Variants in TANGO2 observed in about 807,000 individuals in gnomAD.
TANGO2 encodes transport and golgi organization 2 homolog, also known as transport and Golgi organization protein 2 homolog.
Under a neutral mutation model 39.1 loss-of-function variants are expected in TANGO2, and 26 were observed. That is an observed-to-expected ratio of 0.67 (90% CI 0.49 to 0.92). TANGO2 has a LOEUF of 0.92. TANGO2 is among the 40% of genes least tolerant of loss of function. TANGO2 has a pLI of 0.00. For synonymous variants in TANGO2, 131 were observed against 144.5 expected (o/e 0.91, Z 0.67); for missense variants, 326 against 360.1 (o/e 0.91, Z 0.77).
rs695301 is a variant in TANGO2, at chr22:20,047,928, G to GT, written c.145+4498dup. 9.2e-3 allele frequency: 1,291 copies of GT among 140,778 alleles called. 16 individuals carry two copies. Among genetic ancestry groups the GT allele is most frequent in the East Asian group, 0.015 (72 of 4,858 alleles). 8.7% of individuals were successfully genotyped at this position (140,778 alleles called of 1,614,324 possible). ...TTCTCATGAGATCTGATAGTGTTTTGTTTTTTTTTTTTTGAGACTGAGTTT... is the reference window on the plus strand; with the variant it reads ...TTCTCATGAGATCTGATAGTGTTTTGTTTTTTTTTTTTTTGAGACTGAGTTT... On this transcript the variant is annotated intron_variant, in intron 3 of 8. Transcript: ENST00000327374.
chr22:20,043,214 G>C (rs549128387), intron 2 of TANGO2, 141 bp from the exon 3 acceptor site: 2 of 636,826 alleles, frequency 3.1e-6, no homozygotes, highest in South Asian at 3.6e-5. Flanking sequence ...CTCCAGTGTG[G>C]GTGCAGCAGG....
chr22:20,020,501 G>T (rs578200124), upstream of TANGO2, among the ~76,000 whole-genome samples: 2 of 149,828 alleles, frequency 1.3e-5, no homozygotes, highest in East Asian at 4.1e-4. Context: ...GAGCTCAAAG[G>T]CTACACTGGG....
At chr22:20,056,866 A>T (rs1037625542) in intron 6 of TANGO2, 1 of 456,288 alleles carries the variant, frequency 2.2e-6, no homozygotes, top group African/African-American at 2.0e-5. Context: ...GCATCGTGGA[A>T]CTCTGTGCCT....
Position 20,064,905 on chromosome 22 carries a change from C to T in TANGO2, c.*243C>T, listed in dbSNP as rs1433396766. The T allele has an allele frequency of 3.9e-6, 2 of 508,784 alleles. No individual in the cohort carries two copies. The highest frequency in any genetic ancestry group is 7.0e-6 in the Non-Finnish European group (2 of 283,998). The allele number at this position is 508,784 out of a possible 1,614,324, so 31.5% of individuals were successfully genotyped here. ...TAGGTCTAGGACCGGCCGAGGTATA[C>T]CATGAACATGTGGATACACCTGAGC... On this transcript the variant is annotated 3_prime_UTR_variant, in exon 9 of 9. Transcript: ENST00000327374.
chr22:20,061,502 T>A, intron 6 of TANGO2, 28 bp from the exon 7 acceptor site: 1 of 1,583,580 alleles, frequency 6.3e-7, no homozygotes, highest in Non-Finnish European at 8.6e-7. Flanking sequence ...GCAGGGCCTC[T>A]GCATGGCCCG....
intron 1 of TANGO2, among the ~76,000 whole-genome samples, chr22:20,031,437 T>A (rs745489797): frequency 2.0e-5 from 3 of 152,220 alleles, no homozygotes; most frequent in Non-Finnish European, 4.4e-5. Context: ...CCTGCTGCGC[T>A]GTGCTGGTGT....
At chr22:20,036,072 A>G (rs1831269593) in intron 1 of TANGO2, among the ~76,000 whole-genome samples, 1 of 152,152 alleles carries the variant, frequency 6.6e-6, no homozygotes, top group Admixed American at 6.5e-5. Flanking sequence ...CCTGCCTGCT[A>G]CTTAGGTCGT....
At chr22:20,037,016 C>T (rs775594313) in intron 2 of TANGO2, 162 bp downstream of exon 2, 21 of 1,577,436 alleles carry the variant, frequency 1.3e-5, no homozygotes, top group Non-Finnish European at 1.6e-5. Flanking sequence ...GTGTGGGATG[C>T]TGTCAGAATG....
intron 1 of TANGO2, among the ~76,000 whole-genome samples, chr22:20,031,333 A>C (rs1456492123): frequency 6.6e-6 from 1 of 152,184 alleles, no homozygotes; most frequent in Non-Finnish European, 1.5e-5. Context: ...CACCTGGGCG[A>C]CAGAGTGGAG....
rs923237135 is a variant in TANGO2 at position 20,057,729 on chromosome 22, G to A, written c.451+1716G>A. Among the ~76,000 whole-genome samples, 4 of 152,208 alleles carry A rather than the reference G, an allele frequency of 2.6e-5. No individual in the cohort carries two copies. Among genetic ancestry groups the A allele is most frequent in the East Asian group, 1.9e-4 (1 of 5,198 alleles). On this transcript the variant is annotated intron_variant, in intron 6 of 8. Transcript: ENST00000327374. The surrounding 1 kb of genome is among the most constrained non-coding windows in gnomAD (Gnocchi z 4.1). ...GGGTCGTGGGGTTGGAATGTGTGGC[G>A]AAGTAGGTCTGTGGCAGTGGAGTTG... is the stretch of plus-strand genomic sequence containing the variant.
intron 3 of TANGO2, among the ~76,000 whole-genome samples, chr22:20,045,499 CTTTT>C (rs695487): frequency 6.2e-5 from 7 of 112,494 alleles, no homozygotes; most frequent in South Asian, 2.9e-4. Flanking sequence ...GCCATCACTT[CTTTT>C]TTTTTTTTTT....
chr22:20,052,355 G>C (rs1424119629), intron 3 of TANGO2, 110 bp from the exon 4 acceptor site: 1 of 1,473,550 alleles, frequency 6.8e-7, no homozygotes, highest in African/African-American at 1.4e-5. Context: ...GAACGTCCTC[G>C]AGGAGCTTGA....
chr22:20,018,861 C>T (rs1945390672), upstream of TANGO2, among the ~76,000 whole-genome samples: 2 of 152,144 alleles, frequency 1.3e-5, no homozygotes, highest in African/African-American at 4.8e-5. Context: ...AGGCAAATCA[C>T]CAGAGGTCAG....
intron 1 of TANGO2, among the ~76,000 whole-genome samples, chr22:20,035,966 C>G (rs1345647465): frequency 6.6e-6 from 1 of 152,182 alleles, no homozygotes; most frequent in East Asian, 1.9e-4. Context: ...CTCCACTTTC[C>G]CCGCACTTAG....
At chr22:20,047,147 C>T (rs1012226263) in intron 3 of TANGO2, among the ~76,000 whole-genome samples, 9 of 152,052 alleles carry the variant, frequency 5.9e-5, no homozygotes, top group African/African-American at 1.9e-4. Context: ...AACACCAAGC[C>T]GTTCATGAAG....
chr22:20,043,535 TC>T, intron 3 of TANGO2, 92 bp downstream of exon 3: 1 of 878,972 alleles, frequency 1.1e-6, no homozygotes, highest in Non-Finnish European at 1.8e-6. Flanking sequence ...TGGTGCTGCT[TC>T]CAAGTGTGAT....
chr22:20,061,555 G>C lies in TANGO2; in HGVS notation c.477G>C (p.Leu159=). ...GCACCTACGGGCTGAGCAACGCGCT[G>C]CTGGAGACTCCCTGGAGGAAGCTGT... is the stretch of plus-strand genomic sequence containing the variant. ...TPGTYGLSNA[L]LETPWRKLCF... The change falls in exon 7 of 9, where the codon CTG becomes CTC. Residue 159 remains leucine, a synonymous_variant. Transcript: ENST00000327374. 6.2e-7 allele frequency: 1 copy of C among 1,606,936 alleles called. No individual in the cohort carries two copies. Among genetic ancestry groups the C allele is most frequent in the South Asian group, 1.1e-5 (1 of 89,484 alleles).
At chr22:20,046,293 A>T (rs374546390) in intron 3 of TANGO2, among the ~76,000 whole-genome samples, 12 of 151,376 alleles carry the variant, frequency 7.9e-5, no homozygotes, top group African/African-American at 2.7e-4. Flanking sequence ...CTACAAGTGC[A>T]CATCACCATG....
chr22:20,049,150 G>T (rs1246052650), intron 3 of TANGO2, among the ~76,000 whole-genome samples: 2 of 152,146 alleles, frequency 1.3e-5, no homozygotes, highest in African/African-American at 4.8e-5. Context: ...TAGGGGTTGA[G>T]ATTTACTGCC....
Sources: gnomAD v4.1 joint callset for allele counts (sites outside exome capture counted in the v4.1 genomes callset) on GRCh38, gnomAD v4.1.1 for gene constraint, Gnocchi (gnomAD v3.1) non-coding constraint, MANE v1.5 for transcripts, NCBI Gene and HGNC (gene_info 2026-07-23, HGNC 2026-07-21) for gene names.